INTS7: variants seen among roughly 807,000 people sequenced by gnomAD.
INTS7 encodes the protein chromosome 1 open reading frame 73.
INTS7 carries 46 observed loss-of-function variants against 109.2 expected under a neutral mutation model. The ratio of observed to expected loss-of-function variants is 0.42; its 90% CI spans 0.33 to 0.54. INTS7 has a LOEUF of 0.54. Ranked by LOEUF, INTS7 falls within the 20% of genes least tolerant of loss-of-function variation. INTS7 has a pLI of 0.07. For missense variants in INTS7, 929 were observed against 1,132.4 expected (o/e 0.82, Z 2.58); for synonymous variants, 412 against 402.9 (o/e 1.02, Z -0.27).
chr1:211,941,764 C>A lies in INTS7; in HGVS notation c.*60G>T. 1 of 1,561,114 alleles carries A rather than the reference C, an allele frequency of 6.4e-7. No individual in the cohort carries two copies. Among genetic ancestry groups the A allele is most frequent in the Admixed American group, 1.9e-5 (1 of 52,816 alleles). On this transcript the variant is annotated 3_prime_UTR_variant, in exon 20 of 20. Transcript: ENST00000366994. ...TTAATACTTATTCCATATGAAAAAC[C>A]AAACTGTTTCTGGCAATTTGATTGA...
At position 211,985,736 on chromosome 1, in the gene INTS7, T is replaced by C. The variant is rs190593582; in HGVS notation, c.997+2150A>G. ...GAACTTTGGACATACCGTCAAACCT[T>C]TGTGAGTCTCAGTTTCAATACTTAT... On this transcript the variant is annotated intron_variant, in intron 8 of 19. Transcript: ENST00000366994. 6.1e-4 allele frequency among the ~76,000 whole-genome samples: 93 copies of C among 152,306 alleles called. 1 individual carries two copies. The highest frequency in any genetic ancestry group is 4.7e-3 in the Admixed American group (72 of 15,282).
Position 211,947,135 on chromosome 1 carries a change from T to C in INTS7, c.2317-430A>G, listed in dbSNP as rs139447033. Among the ~76,000 whole-genome samples, 265 of 152,316 alleles carry C rather than the reference T, an allele frequency of 1.7e-3. 2 individuals carry two copies. The highest frequency in any genetic ancestry group is 8.4e-3 in the Admixed American group (129 of 15,298). ...GCTTTGAGCTGGCTCATTCTTTCAT[T>C]AGGTGGCTTGTCTCTATGGCCATTG... On this transcript the variant is annotated intron_variant, in intron 17 of 19. Coordinates refer to ENST00000366994, the MANE Select transcript of INTS7 (RefSeq NM_015434.4).
At chr1:211,993,058 G>T (rs1050202285) in intron 7 of INTS7, among the ~76,000 whole-genome samples, 2 of 152,168 alleles carry the variant, frequency 1.3e-5, no homozygotes, top group African/African-American at 4.8e-5. Context: ...AATAGGACTG[G>T]TCACCAGGGA....
chr1:212,016,321 G>C (rs1262371144), intron 4 of INTS7, among the ~76,000 whole-genome samples: 2 of 152,158 alleles, frequency 1.3e-5, no homozygotes, highest in African/African-American at 4.8e-5. Context: ...GTCAGTCAGG[G>C]AGATACTGTA....
chr1:212,020,759 AAAAT>A (rs1666655274), intron 2 of INTS7: 1 of 1,013,716 alleles, frequency 9.9e-7, no homozygotes, highest in Non-Finnish European at 1.2e-6. Flanking sequence ...CTCATGCTAT[AAAAT>A]AAATTATTAA....
At chr1:211,986,543 A>G (rs569931471) in intron 8 of INTS7, among the ~76,000 whole-genome samples, 6 of 152,354 alleles carry the variant, frequency 3.9e-5, no homozygotes, top group African/African-American at 7.2e-5. Flanking sequence ...AAGACCATGC[A>G]TGGAATTAGT....
At chr1:212,005,739 T>C (rs1008017848) in intron 7 of INTS7, among the ~76,000 whole-genome samples, 2 of 152,190 alleles carry the variant, frequency 1.3e-5, no homozygotes, top group Admixed American at 1.3e-4. Flanking sequence ...GAAGCTCTCT[T>C]AATTAAATTC....
Position 211,975,358 on chromosome 1 carries a change from C to T in INTS7, c.1623G>A (p.Met541Ile). 3 of 1,613,570 alleles carry T rather than the reference C, an allele frequency of 1.9e-6. No homozygotes were observed. The highest frequency in any genetic ancestry group is 2.5e-6 in the Non-Finnish European group (3 of 1,179,626). Reference sequence around the variant, plus strand: ...GCAAACTCTGATAAAGCTCTTTGGCCATGTCATGATTACCCTAAAAACAAA... The same window carrying T: ...GCAAACTCTGATAAAGCTCTTTGGCTATGTCATGATTACCCTAAAAACAAA... ...RQASRMGNHDMAKELYQSLLT... is the reference protein window; with the variant it reads ...RQASRMGNHDIAKELYQSLLT... The change falls in exon 13 of 20, where the codon ATG becomes ATA. Residue 541 changes from methionine (M) to isoleucine (I), a missense_variant. Met to Ile is a conservative substitution (Grantham distance 10). Around this residue, in one of 2 missense-constraint regions of INTS7, gnomAD observed 787 missense variants for 901.1 expected, o/e 0.87. Coordinates refer to ENST00000366994, the MANE Select transcript of INTS7 (RefSeq NM_015434.4).
At chr1:212,035,284 C>T in intron 1 of INTS7, 60 bp downstream of exon 1, 1 of 1,143,164 alleles carries the variant, frequency 8.7e-7, no homozygotes, top group African/African-American at 1.5e-5. Flanking sequence ...GCAACCACCA[C>T]CTGGTGGCGC....
chr1:211,977,466 G>T (rs1202076834), intron 11 of INTS7, among the ~76,000 whole-genome samples: 1 of 152,182 alleles, frequency 6.6e-6, no homozygotes, highest in African/African-American at 2.4e-5. Context: ...TTCATATAAA[G>T]ATCCATACAT....
At chr1:212,021,021 C>A in intron 2 of INTS7, 62 bp downstream of exon 2, 1 of 1,468,668 alleles carries the variant, frequency 6.8e-7, no homozygotes. Context: ...AAAAAGACCA[C>A]AATATAAAAC....
chr1:211,947,506 TC>T (rs1662892754), intron 17 of INTS7, among the ~76,000 whole-genome samples: 2 of 152,150 alleles, frequency 1.3e-5, no homozygotes, highest in Admixed American at 6.5e-5. Flanking sequence ...CTCAGTCTAC[TC>T]CCGTCTCAGT....
At position 211,944,853 on chromosome 1, in the gene INTS7, G is replaced by C; in HGVS notation, c.2532C>G (p.Phe844Leu). Residue 844 changes from phenylalanine (F) to leucine (L), a missense_variant, in exon 19 of 20, where the codon TTC (phenylalanine) becomes TTG (leucine). By Grantham distance (22) the Phe-to-Leu change is conservative. Around this residue, in one of 2 missense-constraint regions of INTS7, gnomAD observed 787 missense variants for 901.1 expected, o/e 0.87. Coordinates refer to ENST00000366994, the MANE Select transcript of INTS7 (RefSeq NM_015434.4). The part of the protein sequence containing the change: ...VVQHGSKPGL[F>L]RKIQSVCLNV... The stretch of plus-strand genomic sequence containing the variant: ...TCAGACAGACAGACTGAATTTTGCG[G>C]AAGAGTCCTGGTTTAGATCCGTGCT... The C allele has an allele frequency of 6.2e-7, 1 of 1,614,164 alleles. No homozygotes were observed. The highest frequency in any genetic ancestry group is 8.5e-7 in the Non-Finnish European group (1 of 1,179,986).
chr1:212,015,710 TAAAAAAAAAAAAAA>T (rs58204818), intron 4 of INTS7, among the ~76,000 whole-genome samples: 2,295 of 35,132 alleles, frequency 0.065, 29 homozygotes, highest in African/African-American at 0.12. Context: ...CAATAAATAC[TAAAAAAAAAAAAAA>T]AAAAAAAAAA....
chr1:211,965,809 G>A (rs995424081), intron 16 of INTS7, among the ~76,000 whole-genome samples: 11 of 152,006 alleles, frequency 7.2e-5, no homozygotes, highest in African/African-American at 2.7e-4. Flanking sequence ...AAGGTGGGAG[G>A]AAAAAGAGGA....
At position 212,007,443 on chromosome 1, in the gene INTS7, G is replaced by A. The variant is rs1187744572; in HGVS notation, c.563C>T (p.Ala188Val). ...NKISEMIQGL[A>V]TPVDLKLKLI... is the part of the protein sequence containing the mutation. Reference sequence around the variant, plus strand: ...TTTTAGCTTCAAGTCTACTGGTGTCGCTAAACCTAGACACAAAAATAATTC... The same window carrying A: ...TTTTAGCTTCAAGTCTACTGGTGTCACTAAACCTAGACACAAAAATAATTC... The change falls in exon 6 of 20, where the codon GCG becomes GTG. Residue 188 changes from alanine to valine, a missense_variant. Physicochemically the swap from Ala to Val is moderately conservative, Grantham distance 64. Around this residue, in one of 2 missense-constraint regions of INTS7, gnomAD observed 142 missense variants for 231.4 expected, o/e 0.61. Transcript: ENST00000366994. 5 of 1,608,496 alleles carry A rather than the reference G, an allele frequency of 3.1e-6. No individual in the cohort carries two copies. The highest frequency in any genetic ancestry group is 4.3e-6 in the Non-Finnish European group (5 of 1,174,952).
intron 16 of INTS7, among the ~76,000 whole-genome samples, chr1:211,961,921 A>C (rs1412243295): frequency 6.6e-6 from 1 of 152,178 alleles, no homozygotes; most frequent in Non-Finnish European, 1.5e-5. Flanking sequence ...TCACTACAAA[A>C]ACATACTTAA....
chr1:212,013,387 T>C (rs1206414107), intron 4 of INTS7, among the ~76,000 whole-genome samples: 2 of 152,218 alleles, frequency 1.3e-5, no homozygotes, highest in African/African-American at 2.4e-5. Flanking sequence ...TATACAGCTG[T>C]ATGTTTGTAT....
chr1:212,020,187 T>G lies in INTS7; in HGVS notation c.306A>C (p.Glu102Asp). The G allele has an allele frequency of 6.2e-7, 1 of 1,608,680 alleles. No individual in the cohort carries two copies. The highest frequency in any genetic ancestry group is 8.5e-7 in the Non-Finnish European group (1 of 1,175,932). The part of the protein sequence containing the change: ...KHLEKILNVD[E>D]FVKRIFSVIH... ...TCACAGAAAAAATTCTCTTCACAAA[T>G]TCATCCACATTTAGAATCTTCTCCA... is the stretch of plus-strand genomic sequence containing the variant. Residue 102 changes from glutamate to aspartate, a missense_variant, in exon 3 of 20, where the codon GAA becomes GAC. Physicochemically the swap from Glu to Asp is conservative, Grantham distance 45. Coordinates refer to ENST00000366994, the MANE Select transcript of INTS7 (RefSeq NM_015434.4).
Sources: allele counts gnomAD v4.1 joint callset (sites outside exome capture counted in the v4.1 genomes callset), GRCh38; gene constraint gnomAD v4.1.1; regional missense constraint gnomAD v4.1.1; transcripts MANE v1.5; gene names NCBI Gene and HGNC (gene_info 2026-07-23, HGNC 2026-07-21).